FRMD4B: variants seen among roughly 807,000 people sequenced by gnomAD.
FRMD4B encodes FERM domain containing 4B, also known as FERM domain-containing protein 4B.
Under a neutral mutation model 141.5 loss-of-function variants are expected in FRMD4B, and 74 were observed. The observed-to-expected ratio is 0.52, with a 90% CI of 0.43 to 0.63. FRMD4B has a LOEUF of 0.63. Among genes scored for constraint, FRMD4B ranks in the 30% least tolerant of loss-of-function variants. FRMD4B has a pLI of 0.00. For synonymous variants in FRMD4B, 506 were observed against 467.9 expected (o/e 1.08, Z -1.05); for missense variants, 1,366 against 1,253.4 (o/e 1.09, Z -1.36).
chr3:69,299,990 C>G (rs969311447), intron 4 of FRMD4B, among the ~76,000 whole-genome samples: 1 of 152,088 alleles, frequency 6.6e-6, no homozygotes, highest in Non-Finnish European at 1.5e-5. Flanking sequence ...CTATCTTTGG[C>G]TCTCTATTCT....
intron 1 of FRMD4B, among the ~76,000 whole-genome samples, chr3:69,511,857 T>C (rs1706695042): frequency 6.6e-6 from 1 of 152,210 alleles, no homozygotes; most frequent in Admixed American, 6.5e-5. Context: ...CCCTCGTATG[T>C]CCCTTGGACA....
intron 11 of FRMD4B, among the ~76,000 whole-genome samples, chr3:69,212,745 T>C (rs2093098886): frequency 6.6e-6 from 1 of 152,230 alleles, no homozygotes; most frequent in South Asian, 2.1e-4. Flanking sequence ...AAGCTCAATC[T>C]TATCAAGCCA....
intron 5 of FRMD4B, among the ~76,000 whole-genome samples, chr3:69,263,491 C>G (rs963785428): frequency 6.8e-6 from 1 of 147,982 alleles, no homozygotes; most frequent in Non-Finnish European, 1.5e-5. Context: ...ACTGCAGCCT[C>G]GAACTCCTGG....
At chr3:69,227,478 C>T (rs1279571826) in intron 7 of FRMD4B, among the ~76,000 whole-genome samples, 1 of 152,032 alleles carries the variant, frequency 6.6e-6, no homozygotes, top group African/African-American at 2.4e-5. Flanking sequence ...GCCTGACCAA[C>T]ATGTGAAACC....
rs538499711 is a variant in FRMD4B, at chr3:69,342,099, C to T, written c.163-28582G>A. Reference sequence around the variant, plus strand: ...TTAGAGAAGCTTGCAAACACTTCCCCCCACAAATATAGGCAAAATGTGTTA... The same window carrying T: ...TTAGAGAAGCTTGCAAACACTTCCCTCCACAAATATAGGCAAAATGTGTTA... On this transcript the variant is annotated intron_variant, in intron 1 of 22. Transcript: ENST00000398540. Among the ~76,000 whole-genome samples the T allele has an allele frequency of 2.0e-5, 3 of 152,276 alleles. 1 individual carries two copies. In the South Asian group the frequency reaches 6.2e-4, roughly 32 times the overall value.
intron 1 of FRMD4B, among the ~76,000 whole-genome samples, chr3:69,344,147 T>C (rs1275364585): frequency 2.6e-5 from 4 of 152,232 alleles, no homozygotes; most frequent in African/African-American, 9.6e-5. Flanking sequence ...TCCTGATTTC[T>C]TCATGGACAG....
At chr3:69,211,416 A>C (rs2093078427) in intron 11 of FRMD4B, among the ~76,000 whole-genome samples, 1 of 152,196 alleles carries the variant, frequency 6.6e-6, no homozygotes, top group South Asian at 2.1e-4. Flanking sequence ...GGCACCCCAG[A>C]CTGGCAAAAA....
intron 2 of FRMD4B, among the ~76,000 whole-genome samples, chr3:69,396,672 T>C (rs1261673921): frequency 6.6e-6 from 1 of 152,162 alleles, no homozygotes; most frequent in Non-Finnish European, 1.5e-5. Flanking sequence ...AGAATGGCTA[T>C]AATTAGAAAG....
intron 22 of FRMD4B, among the ~76,000 whole-genome samples, chr3:69,175,359 C>G (rs958245677): frequency 7.9e-5 from 12 of 152,242 alleles, no homozygotes; most frequent in South Asian, 2.1e-4. Context: ...CTGTGCATAA[C>G]AAGAATTTTT....
chr3:69,178,168 C>T (rs2092668957), intron 21 of FRMD4B, among the ~76,000 whole-genome samples: 1 of 152,216 alleles, frequency 6.6e-6, no homozygotes, highest in South Asian at 2.1e-4. Context: ...ACCAGCACTG[C>T]CCTTTTTCCA....
At chr3:69,246,436 G>C (rs551299289) in intron 7 of FRMD4B, among the ~76,000 whole-genome samples, 2 of 152,196 alleles carry the variant, frequency 1.3e-5, no homozygotes, top group South Asian at 2.1e-4. Flanking sequence ...GCCTGGGTGA[G>C]AGAACAATGC....
chr3:69,205,142 A>G (rs1204190101), intron 11 of FRMD4B, among the ~76,000 whole-genome samples: 2 of 150,920 alleles, frequency 1.3e-5, no homozygotes, highest in Admixed American at 1.3e-4. Context: ...TACAGCAGCC[A>G]TTTGCGGGAT....
At chr3:69,407,802 C>G (rs11914888) in intron 2 of FRMD4B, among the ~76,000 whole-genome samples, 3 of 152,192 alleles carry the variant, frequency 2.0e-5, no homozygotes, top group African/African-American at 7.2e-5. Flanking sequence ...AAGTGTCACC[C>G]ATTTCTTTCA....
At chr3:69,184,638 G>A (rs1168835366) in intron 19 of FRMD4B, among the ~76,000 whole-genome samples, 1 of 152,112 alleles carries the variant, frequency 6.6e-6, no homozygotes, top group African/African-American at 2.4e-5. Flanking sequence ...TGGAGATGTG[G>A]GTATAATAAT....
chr3:69,352,908 C>G (rs1703195116), intron 1 of FRMD4B, among the ~76,000 whole-genome samples: 1 of 152,128 alleles, frequency 6.6e-6, no homozygotes, highest in African/African-American at 2.4e-5. Flanking sequence ...CTAATGAGCT[C>G]TAGGACACCA....
chr3:69,247,429 T>A (rs1438530494), intron 7 of FRMD4B, among the ~76,000 whole-genome samples: 1 of 152,200 alleles, frequency 6.6e-6, no homozygotes, highest in Non-Finnish European at 1.5e-5. Context: ...CATAAATGAC[T>A]GTGTTCCTTG....
At chr3:69,189,765 C>T (rs763474127) in intron 18 of FRMD4B, 131 bp downstream of exon 18, 2 of 627,304 alleles carry the variant, frequency 3.2e-6, no homozygotes, top group Non-Finnish European at 5.6e-6. Flanking sequence ...AACCATTTTG[C>T]ATAAATGTAA....
chr3:69,448,092 C>T (rs935780791), intron 1 of FRMD4B, among the ~76,000 whole-genome samples: 21 of 150,560 alleles, frequency 1.4e-4, no homozygotes, highest in Non-Finnish European at 1.8e-4. Flanking sequence ...TGCAGTGTTG[C>T]GATCTCGGAT....
At chr3:69,283,975 C>CAAAA (rs544611686) in intron 5 of FRMD4B, among the ~76,000 whole-genome samples, 60 of 147,364 alleles carry the variant, frequency 4.1e-4, no homozygotes, top group Admixed American at 1.4e-3. Flanking sequence ...CAAAACAAAA[C>CAAAA]AAAAAAAACA....
Sources: gnomAD v4.1 joint callset for allele counts (sites outside exome capture counted in the v4.1 genomes callset) on GRCh38, gnomAD v4.1.1 for gene constraint, MANE v1.5 for transcripts, NCBI Gene and HGNC (gene_info 2026-07-23, HGNC 2026-07-21) for gene names.